The following TDRD3 variants were observed in gnomAD, a reference collection of about 807,000 sequenced individuals.
TDRD3 encodes tudor domain-containing protein 3.
A neutral mutation model predicts 86.7 loss-of-function variants in TDRD3; 45 were observed. That is an observed-to-expected ratio of 0.52 (90% CI 0.41 to 0.67). The LOEUF (loss-of-function observed/expected upper bound fraction) is 0.67, where lower values mean the gene tolerates loss of function less well. TDRD3 is among the 30% of genes least tolerant of loss of function. TDRD3 has a pLI of 0.00. For synonymous variants in TDRD3, 298 were observed against 301.7 expected, an observed-to-expected ratio of 0.99 and a Z score of 0.13; for missense variants, 814 against 889.0, an observed-to-expected ratio of 0.92 and a Z score of 1.07.
chr13:60,427,930 T>A (rs1041383242), intron 1 of TDRD3, among the ~76,000 whole-genome samples: 2 of 152,158 alleles, frequency 1.3e-5, no homozygotes, highest in East Asian at 3.9e-4. Context: ...GCTGGGTGGC[T>A]TAAAACAATT....
In TDRD3 at chr13:60,418,464, T is replaced by C. The variant is rs377196812; in HGVS notation, c.41+21059T>C. 2.8e-4 allele frequency among the ~76,000 whole-genome samples: 42 copies of C among 152,242 alleles called. No individual in the cohort carries two copies. The East Asian group carries it at 7.1e-3, about 26-fold the overall frequency. ...CCAAGCTTCACTGGGACTAAACTTATTTGAGGTCAGTACCATGGTTTTTTC... is the reference window on the plus strand; with the variant it reads ...CCAAGCTTCACTGGGACTAAACTTACTTGAGGTCAGTACCATGGTTTTTTC... On this transcript the variant is annotated intron_variant, in intron 1 of 13. Coordinates refer to ENST00000377881, the MANE Select transcript of TDRD3 (RefSeq NM_001146070.2).
intron 8 of TDRD3, among the ~76,000 whole-genome samples, chr13:60,499,498 G>A (rs1956788092): frequency 6.6e-6 from 1 of 152,196 alleles, no homozygotes; most frequent in Non-Finnish European, 1.5e-5. Context: ...CAACTCTCTG[G>A]CTTTGTGTCA....
chr13:60,568,997 C>G (rs886095002), intron 13 of TDRD3, among the ~76,000 whole-genome samples: 1 of 152,094 alleles, frequency 6.6e-6, no homozygotes, highest in Non-Finnish European at 1.5e-5. Context: ...GAGACAGAGT[C>G]TGGCTCTGTC....
intron 10 of TDRD3, among the ~76,000 whole-genome samples, chr13:60,523,730 C>T (rs987225935): frequency 2.0e-5 from 3 of 151,886 alleles, no homozygotes; most frequent in African/African-American, 7.3e-5. Context: ...GTGCATGCCA[C>T]CACGCCCAGC....
At chr13:60,422,853 G>GA (rs1199483028) in intron 1 of TDRD3, among the ~76,000 whole-genome samples, 2 of 151,946 alleles carry the variant, frequency 1.3e-5, no homozygotes. Flanking sequence ...TCCCTAAGGG[G>GA]AAAAAACCAA....
chr13:60,396,721 C>A (rs1374036595), upstream of TDRD3: 2 of 152,432 alleles, frequency 1.3e-5, no homozygotes, highest in African/African-American at 4.8e-5. Context: ...CCCGCGGGGA[C>A]TCAAAAAAGC....
intron 12 of TDRD3, among the ~76,000 whole-genome samples, chr13:60,538,374 T>G (rs568729717): frequency 2.1e-5 from 3 of 140,716 alleles, no homozygotes; most frequent in African/African-American, 7.8e-5. Context: ...CTAGCTAGAT[T>G]TCACCTGTAT....
chr13:60,533,664 G>A (rs913256311), intron 11 of TDRD3, among the ~76,000 whole-genome samples: 3 of 151,984 alleles, frequency 2.0e-5, no homozygotes, highest in African/African-American at 4.8e-5. Context: ...GATGCTATTA[G>A]AGTAGATAGT....
intron 13 of TDRD3, among the ~76,000 whole-genome samples, chr13:60,569,991 G>C (rs1194102976): frequency 1.3e-5 from 2 of 152,146 alleles, no homozygotes; most frequent in Non-Finnish European, 2.9e-5. Flanking sequence ...AAACAGTCTA[G>C]GACATTGGTC....
At chr13:60,463,641 T>C (rs772743020) in intron 4 of TDRD3, among the ~76,000 whole-genome samples, 3 of 151,612 alleles carry the variant, frequency 2.0e-5, no homozygotes, top group Non-Finnish European at 2.9e-5. Context: ...CCAGAATATA[T>C]AAGGAGCTCA....
chr13:60,572,412 T>C (rs796959589), intron 13 of TDRD3, among the ~76,000 whole-genome samples: 1 of 152,194 alleles, frequency 6.6e-6, no homozygotes, highest in African/African-American at 2.4e-5. Context: ...TTAGGAAATA[T>C]TGCAGCTGGA....
chr13:60,509,911 C>T lies in TDRD3; in HGVS notation c.1007C>T (p.Pro336Leu). The T allele has an allele frequency of 6.2e-7, 1 of 1,613,200 alleles. No individual in the cohort carries two copies. ...SNKQKPVMGP[P>L]LRGRGKGRGR... is the part of the protein sequence containing the mutation. ...AAACAGAAACCTGTTATGGGTCCTCCTCTGAGAGGTATAATTTATTAAGCA... is the reference window on the plus strand; with the variant it reads ...AAACAGAAACCTGTTATGGGTCCTCTTCTGAGAGGTATAATTTATTAAGCA... Residue 336 changes from proline to leucine, a missense_variant, in exon 9 of 14, where the codon CCT (proline) becomes CTT (leucine). By Grantham distance (98) the Pro-to-Leu change is moderately conservative (BLOSUM62 -3). Transcript: ENST00000377881.
At chr13:60,482,700 T>TTTGTTGA (rs1956343558) in intron 5 of TDRD3, among the ~76,000 whole-genome samples, 1 of 152,192 alleles carries the variant, frequency 6.6e-6, no homozygotes, top group East Asian at 1.9e-4. Context: ...GGCACTCATA[T>TTTGTTGA]ACACTTTAAA....
At chr13:60,457,978 G>T (rs778006726) in intron 3 of TDRD3, among the ~76,000 whole-genome samples, 1 of 152,110 alleles carries the variant, frequency 6.6e-6, no homozygotes, top group African/African-American at 2.4e-5. Flanking sequence ...CATCTGAAAA[G>T]AGCCTTGTTC....
At position 60,535,225 on chromosome 13, in the gene TDRD3, G is replaced by C. The variant is rs1199685564; in HGVS notation, c.2110G>C (p.Glu704Gln). The C allele has an allele frequency of 4.3e-6, 7 of 1,613,232 alleles. No individual in the cohort carries two copies. The highest frequency in any genetic ancestry group is 5.9e-6 in the Non-Finnish European group (7 of 1,179,616). ...GAGCAATATCAAGCCCATTCAAACAGAGGCATGGGTACGTGATACATATTC... is the reference window on the plus strand; with the variant it reads ...GAGCAATATCAAGCCCATTCAAACACAGGCATGGGTACGTGATACATATTC... ...LLSNIKPIQTEAWEEEGTYDQ... is the reference protein window; with the variant it reads ...LLSNIKPIQTQAWEEEGTYDQ... The change falls in exon 12 of 14, where the codon GAG becomes CAG. Residue 704 changes from glutamate (E) to glutamine (Q), a missense_variant. Glu to Gln is a conservative substitution (Grantham distance 29, BLOSUM62 2). Transcript: ENST00000377881.
At chr13:60,567,417 C>A in intron 12 of TDRD3, 108 bp from the exon 13 acceptor site, 2 of 1,420,156 alleles carry the variant, frequency 1.4e-6, no homozygotes, top group Non-Finnish European at 9.8e-7. Flanking sequence ...GTGTGAATTC[C>A]AGGGCAGCTT....
intron 10 of TDRD3, among the ~76,000 whole-genome samples, chr13:60,523,366 A>G (rs1014874708): frequency 1.3e-5 from 2 of 152,152 alleles, no homozygotes; most frequent in African/African-American, 2.4e-5. Flanking sequence ...ATTTCAAATC[A>G]TGGTGATGTA....
At chr13:60,513,181 C>T (rs370853932) in intron 10 of TDRD3, among the ~76,000 whole-genome samples, 15 of 152,322 alleles carry the variant, frequency 9.8e-5, no homozygotes, top group East Asian at 1.9e-4. Flanking sequence ...TCTGCAGTCA[C>T]GGCCCCAGCT....
chr13:60,404,819 A>T (rs1954195307), intron 1 of TDRD3, among the ~76,000 whole-genome samples: 1 of 152,176 alleles, frequency 6.6e-6, no homozygotes, highest in South Asian at 2.1e-4. Context: ...CCTCACCCAG[A>T]TCTCATCTTG....
Sources: gnomAD v4.1 joint callset for allele counts (sites outside exome capture counted in the v4.1 genomes callset) on GRCh38, gnomAD v4.1.1 for gene constraint, MANE v1.5 for transcripts, NCBI Gene and HGNC (gene_info 2026-07-23, HGNC 2026-07-21) for gene names.